The following MAST1 variants were observed in gnomAD, a reference collection of about 807,000 sequenced individuals.
MAST1 encodes microtubule associated serine/threonine kinase 1.
Under a neutral mutation model 124.6 loss-of-function variants are expected in MAST1, and 40 were observed. That is an observed-to-expected ratio of 0.32 (90% CI 0.25 to 0.42). The LOEUF is 0.42. MAST1 is among the 10% of genes least tolerant of loss of function. The pLI, the probability that MAST1 is intolerant of heterozygous loss-of-function variation, is 1.00. For missense variants in MAST1, 1,558 were observed against 2,181.9 expected (o/e 0.71, Z 5.70); for synonymous variants, 938 against 939.4 (o/e 1.00, Z 0.03).
At chr19:12,862,749 C>T (rs1041287528) in intron 12 of MAST1, among the ~76,000 whole-genome samples, 2 of 150,742 alleles carry the variant, frequency 1.3e-5, no homozygotes, top group African/African-American at 4.9e-5. Flanking sequence ...CTCACCGCAA[C>T]CTCCTCCTCC....
chr19:12,852,424 C>A, intron 10 of MAST1, 29 bp downstream of exon 10: 1 of 1,609,884 alleles, frequency 6.2e-7, no homozygotes, highest in Non-Finnish European at 8.5e-7. Context: ...GCGGTCAGTA[C>A]CCTGGTTCCT....
chr19:12,867,391 G>C, intron 18 of MAST1, 83 bp from the exon 19 acceptor site: 18 of 1,516,544 alleles, frequency 1.2e-5, no homozygotes, highest in South Asian at 3.5e-5. Context: ...TGCGTTTTGC[G>C]GGGGATCCAC....
Position 12,866,593 on chromosome 19 carries a change from G to T in MAST1, c.2030-60G>T. On this transcript the variant is annotated intron_variant, in intron 17 of 25. Coordinates refer to ENST00000251472, the MANE Select transcript of MAST1 (RefSeq NM_014975.3). This position sits in a 1 kb window ranked among gnomAD's most constrained non-coding sequence, Gnocchi z 5.2. ...TCTTGAACCAGGACTGGGCTCCTGT[G>T]GGGATGTGATATGAGGAGGAACCCC... The T allele has an allele frequency of 9.0e-7, 1 of 1,110,460 alleles. No homozygotes were observed. Among genetic ancestry groups the T allele is most frequent in the East Asian group, 2.5e-5 (1 of 39,746 alleles). 68.8% of individuals were successfully genotyped at this position (1,110,460 alleles called of 1,614,324 possible). A position where few individuals can be genotyped will look rare whatever the true frequency, so the allele number is the denominator to read the frequency against.
chr19:12,862,672 T>C (rs1970099440), intron 12 of MAST1, among the ~76,000 whole-genome samples: 2 of 150,924 alleles, frequency 1.3e-5, no homozygotes, highest in Non-Finnish European at 3.0e-5. Flanking sequence ...TTTTTTTTTT[T>C]TTTGAGACAG....
Position 12,869,138 on chromosome 19 carries a change from G to A in MAST1, c.2846G>A (p.Arg949Gln), listed in dbSNP as rs1599591079. 1 of 1,614,128 alleles carries A rather than the reference G, an allele frequency of 6.2e-7. No individual in the cohort carries two copies. Among genetic ancestry groups the A allele is most frequent in the Non-Finnish European group, 8.5e-7 (1 of 1,180,026 alleles). ...PRSLSSNPSSRDSSPSRDYSP... is the reference protein window; with the variant it reads ...PRSLSSNPSSQDSSPSRDYSP... The stretch of plus-strand genomic sequence containing the variant: ...TCTCTGTCCTCCAACCCATCCTCAC[G>A]GGACTCCTCACCCAGCCGGGACTAC... The change falls in exon 22 of 26, where the codon CGG becomes CAG. Residue 949 changes from arginine (R) to glutamine (Q), a missense_variant. This residue lies in a region of MAST1 where 291 missense variants were observed against 475.8 expected (regional missense o/e 0.61). Transcript: ENST00000251472.
At position 12,838,624 on chromosome 19, in the gene MAST1, C is replaced by G; in HGVS notation, c.52C>G (p.Pro18Ala). The G allele has an allele frequency of 1.2e-6, 2 of 1,610,432 alleles. No homozygotes were observed. ...TTCTAATTTCTCGATGCCCTCCTTCCCCGGCGGCAGTATGTTCCGCCGCAC... is the reference window on the plus strand; with the variant it reads ...TTCTAATTTCTCGATGCCCTCCTTCGCCGGCGGCAGTATGTTCCGCCGCAC... ...ALSNFSMPSF[P>A]GGSMFRRTKS... is the part of the protein sequence containing the mutation. Residue 18 changes from proline to alanine, a missense_variant, in exon 1 of 26, where the codon CCC becomes GCC. By Grantham distance (27) the Pro-to-Ala change is conservative. This residue lies in a region of MAST1 where 42 missense variants were observed against 54.6 expected (regional missense o/e 0.77). Coordinates refer to ENST00000251472, the MANE Select transcript of MAST1 (RefSeq NM_014975.3). The surrounding 1 kb of genome is among the most constrained non-coding windows in gnomAD (Gnocchi z 4.3).
rs1969966538 is a variant in MAST1, at chr19:12,852,051, A to G, written c.876+16A>G. 1.2e-6 allele frequency: 2 copies of G among 1,613,432 alleles called. No individual in the cohort carries two copies. The highest frequency in any genetic ancestry group is 1.7e-5 in the Admixed American group (1 of 59,994). On this transcript the variant is annotated intron_variant, in intron 8 of 25. Transcript: ENST00000251472. ...GGAGTGCCTGGTGAGGGGGCTGGGC[A>G]TGGGTAGGGGTGGGTTGGTAGACCC...
intron 10 of MAST1, among the ~76,000 whole-genome samples, chr19:12,858,006 C>CAAAAAAAAAAAAAA (rs539497049): frequency 8.1e-5 from 4 of 49,446 alleles, no homozygotes; most frequent in African/African-American, 2.3e-4. Context: ...GAACCTATCT[C>CAAAAAAAAAAAAAA]AAAAAAAAAA....
At position 12,838,752 on chromosome 19, in the gene MAST1, G is replaced by A. The variant is rs1969790692; in HGVS notation, c.83+97G>A. The A allele has an allele frequency of 1.8e-6, 2 of 1,121,074 alleles. No homozygotes were observed. The highest frequency in any genetic ancestry group is 3.1e-5 in the South Asian group (2 of 65,090). The allele number at this position is 1,121,074 out of a possible 1,614,324, so 69.4% of individuals were successfully genotyped here. On this transcript the variant is annotated intron_variant, in intron 1 of 25. Transcript: ENST00000251472. The surrounding 1 kb of genome is among the most constrained non-coding windows in gnomAD (Gnocchi z 4.3). ...GGCGGGGCCCGGGATGCTGCGCCCG[G>A]TCCAGCTGCGCCAGAGGTGCCCCAG... is the stretch of plus-strand genomic sequence containing the variant.
Position 12,873,788 on chromosome 19 carries a change from C to T in MAST1, c.3631C>T (p.Pro1211Ser). Residue 1211 changes from proline (P) to serine (S), a missense_variant, in exon 26 of 26, where the codon CCG becomes TCG. Around this residue, in one of 10 missense-constraint regions of MAST1, gnomAD observed 291 missense variants for 475.8 expected, o/e 0.61. Coordinates refer to ENST00000251472, the MANE Select transcript of MAST1 (RefSeq NM_014975.3). ...CCCTCTATCGCCGCTGGCACACACGCCGTCCCCCACGCAGGCGTCACCGCC... is the reference window on the plus strand; with the variant it reads ...CCCTCTATCGCCGCTGGCACACACGTCGTCCCCCACGCAGGCGTCACCGCC... ...NIPLSPLAHT[P>S]SPTQASPPPL... 2 of 1,597,786 alleles carry T rather than the reference C, an allele frequency of 1.3e-6. No individual in the cohort carries two copies. The highest frequency in any genetic ancestry group is 1.7e-6 in the Non-Finnish European group (2 of 1,178,416).
intron 1 of MAST1, 117 bp from the exon 2 acceptor site, chr19:12,840,329 C>T (rs933675262): frequency 1.4e-6 from 1 of 701,790 alleles, no homozygotes; most frequent in Admixed American, 2.2e-5. Flanking sequence ...CAGGGAGCCT[C>T]CAAACACACA....
rs902242541 is a variant in MAST1 at position 12,838,747 on chromosome 19, G to T, written c.83+92G>T. 21 of 1,157,442 alleles carry T rather than the reference G, an allele frequency of 1.8e-5. No homozygotes were observed. Among genetic ancestry groups the T allele is most frequent in the Non-Finnish European group, 2.5e-5 (21 of 832,136 alleles). 71.7% of individuals were successfully genotyped at this position (1,157,442 alleles called of 1,614,324 possible). On this transcript the variant is annotated intron_variant, in intron 1 of 25. Transcript: ENST00000251472. The surrounding 1 kb of genome is among the most constrained non-coding windows in gnomAD (Gnocchi z 4.3). ...TGCAGGGCGGGGCCCGGGATGCTGC[G>T]CCCGGTCCAGCTGCGCCAGAGGTGC...
At chr19:12,860,747 C>T (rs1970071354) in intron 12 of MAST1, among the ~76,000 whole-genome samples, 1 of 152,034 alleles carries the variant, frequency 6.6e-6, no homozygotes, top group East Asian at 1.9e-4. Flanking sequence ...GCTTGCGGCC[C>T]ATATATTGTT....
chr19:12,851,126 C>A (rs146076836), intron 7 of MAST1, among the ~76,000 whole-genome samples: 1 of 151,728 alleles, frequency 6.6e-6, no homozygotes, highest in Non-Finnish European at 1.5e-5. Context: ...TTTTGTACTT[C>A]CAGTAGAGAT....
Position 12,869,070 on chromosome 19 carries a change from C to T in MAST1, c.2778C>T (p.Asp926=), listed in dbSNP as rs776408912. The T allele has an allele frequency of 4.3e-6, 7 of 1,613,874 alleles. No individual in the cohort carries two copies. The highest frequency in any genetic ancestry group is 1.7e-5 in the Admixed American group (1 of 60,000). ...TALSVMIPAV[D]PHGSSPLASP... ...ACCATGGTTGTGTGTCTGTAGTGGA[C>T]CCACATGGAAGTTCACCCCTTGCTA... is the stretch of plus-strand genomic sequence containing the variant. The change falls in exon 22 of 26, where the codon GAC becomes GAT. Residue 926 remains aspartate (D), a synonymous_variant. Transcript: ENST00000251472.
Position 12,867,851 on chromosome 19 carries a change from G to A in MAST1, c.2440G>A (p.Glu814Lys). 6.2e-7 allele frequency: 1 copy of A among 1,606,408 alleles called. No individual in the cohort carries two copies. Among genetic ancestry groups the A allele is most frequent in the South Asian group, 1.1e-5 (1 of 90,470 alleles). Reference sequence around the variant, plus strand: ...CCGCTTCAGCGCCCCCCAAGAGGACGAGGATGAGGCCCGGCTGCGCAGGCC... The same window carrying A: ...CCGCTTCAGCGCCCCCCAAGAGGACAAGGATGAGGCCCGGCTGCGCAGGCC... ...PSRFSAPQED[E>K]DEARLRRPPR... The change falls in exon 20 of 26, where the codon GAG becomes AAG. Residue 814 changes from glutamate to lysine, a missense_variant. This residue lies in a region of MAST1 where 287 missense variants were observed against 308.0 expected (regional missense o/e 0.93). Coordinates refer to ENST00000251472, the MANE Select transcript of MAST1 (RefSeq NM_014975.3).
At position 12,858,118 on chromosome 19, in the gene MAST1, T is replaced by C. The variant is rs150989871; in HGVS notation, c.1078-244T>C. On this transcript the variant is annotated intron_variant, in intron 10 of 25. Transcript: ENST00000251472. ...TTTGTTATTGATTTTTGGGAACTCT[T>C]TATATATTTATATATTAGGATGACT... Among the ~76,000 whole-genome samples, 641 of 152,066 alleles carry C rather than the reference T, an allele frequency of 4.2e-3. 3 individuals carry two copies. Among genetic ancestry groups the C allele is most frequent in the African/African-American group, 0.014 (582 of 41,482 alleles).
chr19:12,868,082 C>A, intron 20 of MAST1, 105 bp downstream of exon 20: 2 of 1,035,876 alleles, frequency 1.9e-6, no homozygotes, highest in Non-Finnish European at 2.6e-6. Flanking sequence ...ATCTCAGGTC[C>A]TATTCACATT....
In MAST1 at chr19:12,874,425, G is replaced by T; in HGVS notation, c.4268G>T (p.Arg1423Leu). 1 of 1,598,418 alleles carries T rather than the reference G, an allele frequency of 6.3e-7. No individual in the cohort carries two copies. The highest frequency in any genetic ancestry group is 8.5e-7 in the Non-Finnish European group (1 of 1,178,962). Residue 1423 changes from arginine (R) to leucine (L), a missense_variant, in exon 26 of 26, where the codon CGC (arginine) becomes CTC (leucine). Transcript: ENST00000251472. This position sits in a 1 kb window ranked among gnomAD's most constrained non-coding sequence, Gnocchi z 6.6. ...SPVQEHETGRRSSSGEAGTPL... is the reference protein window; with the variant it reads ...SPVQEHETGRLSSSGEAGTPL... ...GTGCAGGAACACGAGACAGGCCGGCGCAGCAGCTCTGGCGAGGCGGGCACA... is the reference window on the plus strand; with the variant it reads ...GTGCAGGAACACGAGACAGGCCGGCTCAGCAGCTCTGGCGAGGCGGGCACA...
Sources: gnomAD v4.1 joint callset for allele counts (sites outside exome capture counted in the v4.1 genomes callset) on GRCh38, gnomAD v4.1.1 for gene constraint, gnomAD v4.1.1 regional missense constraint, Gnocchi (gnomAD v3.1) non-coding constraint, MANE v1.5 for transcripts, NCBI Gene and HGNC (gene_info 2026-07-23, HGNC 2026-07-21) for gene names.